Variants in CLOCK observed in about 807,000 individuals in gnomAD.
CLOCK encodes the protein circadian locomoter output cycles protein kaput.
Under a neutral mutation model 118.4 loss-of-function variants are expected in CLOCK, and 43 were observed. That is an observed-to-expected ratio of 0.36 (90% CI 0.28 to 0.47). The LOEUF (loss-of-function observed/expected upper bound fraction) is 0.47. Ranked by LOEUF, CLOCK falls within the 20% of genes least tolerant of loss-of-function variation. The pLI, the probability that CLOCK is intolerant of heterozygous loss-of-function variation, is 1.00. For synonymous variants in CLOCK, 326 were observed against 339.2 expected (o/e 0.96, Z 0.43); for missense variants, 846 against 999.9 (o/e 0.85, Z 2.08).
Position 55,434,537 on chromosome 4 carries a change from A to G in CLOCK, c.*878T>C, listed in dbSNP as rs775881201. 3 of 152,594 alleles carry G rather than the reference A, an allele frequency of 2.0e-5. No individual in the cohort carries two copies. Among genetic ancestry groups the G allele is most frequent in the Admixed American group, 1.3e-4 (2 of 15,268 alleles). 9.5% of individuals were successfully genotyped at this position (152,594 alleles called of 1,614,324 possible). On this transcript the variant is annotated 3_prime_UTR_variant, in exon 23 of 23. Transcript: ENST00000513440. ...TTCAAACATAATTGAAAAATAATGA[A>G]ATGAGGGATATTTCTGAATAACTTG...
chr4:55,546,117 G>A (rs1359204311), intron 1 of CLOCK, among the ~76,000 whole-genome samples: 1 of 152,186 alleles, frequency 6.6e-6, no homozygotes, highest in African/African-American at 2.4e-5. Flanking sequence ...TGCTCCAAAC[G>A]TGCCCGAGTG....
intron 2 of CLOCK, among the ~76,000 whole-genome samples, chr4:55,497,910 C>A (rs1560459067): frequency 6.6e-6 from 1 of 151,432 alleles, no homozygotes; most frequent in African/African-American, 2.4e-5. Context: ...TTTGTAGAAG[C>A]CTATTTTTTA....
chr4:55,456,167 A>G (rs1161573562), intron 12 of CLOCK, 51 bp downstream of exon 12: 1 of 1,418,500 alleles, frequency 7.0e-7, no homozygotes, highest in African/African-American at 1.4e-5. Flanking sequence ...TAATTTCAAG[A>G]ATTATATAAC....
In CLOCK at chr4:55,499,596, C is replaced by T. The variant is rs557915118; in HGVS notation, c.-135-10131G>A. Among the ~76,000 whole-genome samples the T allele has an allele frequency of 5.3e-5, 8 of 152,340 alleles. No individual in the cohort carries two copies. In the South Asian group the frequency reaches 6.2e-4, roughly 12 times the overall value. On this transcript the variant is annotated intron_variant, in intron 2 of 22. Transcript: ENST00000513440. ...GATATGACAGGAGGCGGAGCTCAGG[C>T]GCTAATGCTCACTAGCCAGTCACCT...
intron 1 of CLOCK, among the ~76,000 whole-genome samples, chr4:55,544,876 C>T (rs1269219366): frequency 6.6e-6 from 1 of 152,040 alleles, no homozygotes; most frequent in East Asian, 1.9e-4. Context: ...ATTATTACAC[C>T]TCGCCCTTAA....
At chr4:55,526,016 A>G (rs1730161549) in intron 1 of CLOCK, among the ~76,000 whole-genome samples, 1 of 152,224 alleles carries the variant, frequency 6.6e-6, no homozygotes, top group Non-Finnish European at 1.5e-5. Flanking sequence ...GAGCAATGAC[A>G]TGACACTCAA....
At chr4:55,494,986 A>T (rs1220245146) in intron 2 of CLOCK, among the ~76,000 whole-genome samples, 1 of 152,186 alleles carries the variant, frequency 6.6e-6, no homozygotes. Flanking sequence ...GTAGCAACAG[A>T]AAACTATACA....
intron 14 of CLOCK, 182 bp downstream of exon 14, chr4:55,453,495 A>G (rs1204624834): frequency 2.0e-5 from 11 of 536,746 alleles, no homozygotes; most frequent in Middle Eastern, 4.8e-4. Flanking sequence ...TTATATATCT[A>G]TATCATTCCT....
In CLOCK at chr4:55,432,434, T is replaced by A. The variant is rs1230031843; in HGVS notation, c.*2981A>T. 4.0e-5 allele frequency: 6 copies of A among 150,390 alleles called. No homozygotes were observed. Among genetic ancestry groups the A allele is most frequent in the Non-Finnish European group, 7.4e-5 (5 of 67,600 alleles). 9.3% of individuals were successfully genotyped at this position (150,390 alleles called of 1,614,324 possible). A position where few individuals can be genotyped will look rare whatever the true frequency, so the allele number is the denominator to read the frequency against. The stretch of plus-strand genomic sequence containing the variant: ...CTTACCTAAAAAGTACCACCCAGAA[T>A]AAGTGTTTTTAAGAAAGTGAGAATA... On this transcript the variant is annotated 3_prime_UTR_variant, in exon 23 of 23. Transcript: ENST00000513440.
At chr4:55,471,893 C>T (rs1726163437) in intron 7 of CLOCK, among the ~76,000 whole-genome samples, 1 of 151,934 alleles carries the variant, frequency 6.6e-6, no homozygotes, top group Admixed American at 6.6e-5. Flanking sequence ...AGCAACATGG[C>T]GAAACCTTGT....
chr4:55,451,834 C>G (rs1229468009), intron 15 of CLOCK, among the ~76,000 whole-genome samples: 2 of 152,140 alleles, frequency 1.3e-5, no homozygotes, highest in African/African-American at 4.8e-5. Flanking sequence ...AAAGTTCTTT[C>G]ACGTGGGATC....
intron 13 of CLOCK, 108 bp downstream of exon 13, chr4:55,455,789 A>G: frequency 2.3e-6 from 2 of 852,294 alleles, no homozygotes; most frequent in South Asian, 2.8e-5. Flanking sequence ...AGCATATTTC[A>G]AAAATATGAA....
chr4:55,536,427 G>A (rs1211453407), intron 1 of CLOCK, among the ~76,000 whole-genome samples: 1 of 152,100 alleles, frequency 6.6e-6, no homozygotes, highest in Non-Finnish European at 1.5e-5. Flanking sequence ...CATGGGGGCA[G>A]ATCCCTCATG....
intron 21 of CLOCK, among the ~76,000 whole-genome samples, chr4:55,441,639 CA>C (rs1723375991): frequency 6.6e-6 from 1 of 152,148 alleles, no homozygotes; most frequent in African/African-American, 2.4e-5. Context: ...AATGGAAAAC[CA>C]AACACCATAT....
In CLOCK at chr4:55,478,911, T is replaced by C. The variant is rs769767608; in HGVS notation, c.160A>G (p.Ile54Val). 4.4e-6 allele frequency: 7 copies of C among 1,608,444 alleles called. No homozygotes were observed. Among genetic ancestry groups the C allele is most frequent in the East Asian group, 2.2e-5 (1 of 44,706 alleles). ...GGAAGCATGGATCCCAGTTCTTTAA[T>C]GAGAACATTAAATTGATCTCTACGT... ...KKRRDQFNVL[I>V]KELGSMLPGN... Residue 54 changes from isoleucine (I) to valine (V), a missense_variant, in exon 6 of 23, where the codon ATT becomes GTT. Coordinates refer to ENST00000513440, the MANE Select transcript of CLOCK (RefSeq NM_004898.4).
chr4:55,460,130 TCTC>T (rs1268836317), intron 9 of CLOCK, among the ~76,000 whole-genome samples: 1 of 152,196 alleles, frequency 6.6e-6, no homozygotes, highest in Non-Finnish European at 1.5e-5. Flanking sequence ...CAATTATTCT[TCTC>T]AAGATTACTA....
chr4:55,495,769 C>A (rs996878538), intron 2 of CLOCK, among the ~76,000 whole-genome samples: 60 of 152,252 alleles, frequency 3.9e-4, no homozygotes, highest in African/African-American at 1.3e-3. Context: ...CCAGAATTCA[C>A]CATTACTAAT....
intron 9 of CLOCK, among the ~76,000 whole-genome samples, chr4:55,462,317 C>G (rs543220269): frequency 6.6e-6 from 1 of 152,230 alleles, no homozygotes; most frequent in South Asian, 2.1e-4. Flanking sequence ...GACAGAGTCT[C>G]GCTCTATCGC....
intron 8 of CLOCK, among the ~76,000 whole-genome samples, chr4:55,468,747 TA>T (rs1725909865): frequency 1.3e-5 from 2 of 152,196 alleles, no homozygotes; most frequent in African/African-American, 4.8e-5. Flanking sequence ...ATGGAAACGC[TA>T]AAAAGTTAGC....
Sources: gnomAD v4.1 joint callset for allele counts (sites outside exome capture counted in the v4.1 genomes callset) on GRCh38, gnomAD v4.1.1 for gene constraint, MANE v1.5 for transcripts, NCBI Gene and HGNC (gene_info 2026-07-23, HGNC 2026-07-21) for gene names.